Variants in AGBL1 observed in about 807,000 individuals in gnomAD.
AGBL1 encodes the protein AGBL carboxypeptidase 1.
In AGBL1, 130 loss-of-function variants were observed where a neutral mutation model predicts 118.9. The ratio of observed to expected loss-of-function variants is 1.09; its 90% CI spans 0.95 to 1.26. AGBL1 has a LOEUF of 1.26. Ranked by LOEUF, AGBL1 falls within the 50% of genes most tolerant of loss-of-function variation. The probability of loss-of-function intolerance (pLI) is 0.00; values close to 1 mark genes in which losing one functional copy is unlikely to be tolerated. For missense variants in AGBL1, 1,584 were observed against 1,298.1 expected, an observed-to-expected ratio of 1.22 and a Z score of -3.38; for synonymous variants, 555 against 478.9, an observed-to-expected ratio of 1.16 and a Z score of -2.08.
intron 22 of AGBL1, among the ~76,000 whole-genome samples, chr15:86,831,628 G>A (rs1467306641): frequency 6.6e-6 from 1 of 152,212 alleles, no homozygotes; most frequent in Non-Finnish European, 1.5e-5. Context: ...GGTTCCCATG[G>A]TCTTGGGCAG....
At chr15:86,556,054 A>G (rs980594222) in intron 21 of AGBL1, among the ~76,000 whole-genome samples, 4 of 152,224 alleles carry the variant, frequency 2.6e-5, no homozygotes, top group Non-Finnish European at 5.9e-5. Flanking sequence ...TTAGCTTGTG[A>G]CTGTCATTGA....
At chr15:86,816,165 C>T (rs2078855167) in intron 22 of AGBL1, among the ~76,000 whole-genome samples, 1 of 152,178 alleles carries the variant, frequency 6.6e-6, no homozygotes, top group South Asian at 2.1e-4. Context: ...AGCCTGAGAA[C>T]TTGGGAACAC....
intron 3 of AGBL1, among the ~76,000 whole-genome samples, chr15:86,146,139 C>G (rs1751951404): frequency 6.6e-6 from 1 of 152,144 alleles, no homozygotes; most frequent in Non-Finnish European, 1.5e-5. Flanking sequence ...GCTTTGTGCC[C>G]TTATGTATAA....
intron 5 of AGBL1, among the ~76,000 whole-genome samples, chr15:86,163,017 T>C (rs780847973): frequency 1.3e-5 from 2 of 152,268 alleles, no homozygotes; most frequent in Non-Finnish European, 2.9e-5. Flanking sequence ...CTCTGTACTA[T>C]ATTGGCCTGG....
At chr15:86,230,851 G>A (rs1333798388) in intron 6 of AGBL1, among the ~76,000 whole-genome samples, 2 of 152,182 alleles carry the variant, frequency 1.3e-5, no homozygotes, top group African/African-American at 4.8e-5. Context: ...AGAGCTCAGA[G>A]TCACGTCTGC....
intron 18 of AGBL1, among the ~76,000 whole-genome samples, chr15:86,509,243 C>A (rs148831806): frequency 6.6e-6 from 1 of 151,978 alleles, no homozygotes; most frequent in Non-Finnish European, 1.5e-5. Flanking sequence ...AGGGGCGAGG[C>A]TTGATAAGTT....
intron 21 of AGBL1, among the ~76,000 whole-genome samples, chr15:86,575,543 C>G (rs1421627168): frequency 6.6e-6 from 1 of 151,918 alleles, no homozygotes; most frequent in Non-Finnish European, 1.5e-5. Context: ...AAAATAAAAG[C>G]TAAAGCACAA....
At chr15:86,737,732 A>G (rs1273932266) in intron 22 of AGBL1, among the ~76,000 whole-genome samples, 2 of 152,182 alleles carry the variant, frequency 1.3e-5, no homozygotes, top group African/African-American at 2.4e-5. Flanking sequence ...AATATTCCAT[A>G]AGGGAAAATG....
rs141249708 is a variant in AGBL1 at position 86,632,103 on chromosome 15, A to AT, written c.2995-42159dup. 9.2e-3 allele frequency among the ~76,000 whole-genome samples: 1,355 copies of AT among 146,842 alleles called. 23 individuals are homozygous for AT. Among genetic ancestry groups the AT allele is most frequent in the African/African-American group, 0.031 (1,243 of 40,072 alleles). The stretch of plus-strand genomic sequence containing the variant: ...AGCCTAGGGAGACCCTGTCTCCACA[A>AT]TTTTTTTTTTTAAAGTTAACCAGGT... On this transcript the variant is annotated intron_variant, in intron 21 of 22. Coordinates refer to ENST00000614907, the MANE Select transcript of AGBL1 (RefSeq NM_001386094.1).
chr15:86,272,943 A>C (rs1232573329), intron 15 of AGBL1, among the ~76,000 whole-genome samples: 3 of 152,242 alleles, frequency 2.0e-5, no homozygotes, highest in Admixed American at 6.5e-5. Context: ...TTTAGATTAA[A>C]AATCACCTCA....
At chr15:86,512,127 C>T (rs763607955) in intron 18 of AGBL1, among the ~76,000 whole-genome samples, 10 of 151,890 alleles carry the variant, frequency 6.6e-5, no homozygotes, top group Non-Finnish European at 1.5e-4. Context: ...CAGAGGTACA[C>T]AAAACACTAT....
In AGBL1 at chr15:86,398,300, G is replaced by A. The variant is rs188605573; in HGVS notation, c.2555+754G>A. On this transcript the variant is annotated intron_variant, in intron 18 of 22. Transcript: ENST00000614907. ...CAGATGAGGCACCCAAAGTCACACA[G>A]GTGGTGCATGAGGGTGACAGGATTA... Among the ~76,000 whole-genome samples, 4 of 152,274 alleles carry A rather than the reference G, an allele frequency of 2.6e-5. No homozygotes were observed. The East Asian group carries it at 7.7e-4, about 29-fold the overall frequency.
chr15:86,080,939 G>A (rs1353589474), intron 1 of AGBL1, among the ~76,000 whole-genome samples: 4 of 140,798 alleles, frequency 2.8e-5, no homozygotes, highest in South Asian at 2.3e-4. Flanking sequence ...TTGTGGGGGC[G>A]GGGGGGGGTC....
intron 22 of AGBL1, among the ~76,000 whole-genome samples, chr15:86,712,503 T>C (rs1567135368): frequency 2.0e-5 from 3 of 152,278 alleles, no homozygotes; most frequent in South Asian, 4.1e-4. Flanking sequence ...GGCTAAGTGA[T>C]GCACTTGGGT....
At position 86,867,964 on chromosome 15, in the gene AGBL1, C is replaced by A. The variant is rs1267407212; in HGVS notation, c.3159-39123C>A. On this transcript the variant is annotated intron_variant, in intron 22 of 22. Transcript: ENST00000614907. ...TAGCAATCGTTACAGAGAGGTGAGC[C>A]CTTATTTTGGTGTTTCATAAATGCC... Among the ~76,000 whole-genome samples the A allele has an allele frequency of 2.6e-5, 4 of 151,978 alleles. No homozygotes were observed. In the East Asian group the frequency reaches 7.7e-4, roughly 29 times the overall value.
At chr15:86,158,592 A>G (rs1198044835) in intron 4 of AGBL1, among the ~76,000 whole-genome samples, 3 of 152,210 alleles carry the variant, frequency 2.0e-5, no homozygotes, top group African/African-American at 4.8e-5. Flanking sequence ...ACCTAACCAG[A>G]TACCTCTTTG....
Position 86,632,708 on chromosome 15 carries a change from T to G in AGBL1, c.2995-41565T>G, listed in dbSNP as rs187656397. ...TAACCCATGTAATTTTTAGGTGGTG[T>G]TGCCTATAAGTAAGGGCTTCTGAGC... On this transcript the variant is annotated intron_variant, in intron 21 of 22. Transcript: ENST00000614907. Among the ~76,000 whole-genome samples, 811 of 152,170 alleles carry G rather than the reference T, an allele frequency of 5.3e-3. 8 individuals carry two copies. The highest frequency in any genetic ancestry group is 0.021 in the South Asian group (99 of 4,822).
chr15:86,539,088 C>G (rs201377210), intron 19 of AGBL1, among the ~76,000 whole-genome samples: 3 of 99,020 alleles, frequency 3.0e-5, no homozygotes, highest in African/African-American at 1.4e-4. Flanking sequence ...ATAATCCAAT[C>G]CATACCTTCC....
chr15:86,445,199 G>T (rs1406907639), intron 18 of AGBL1, among the ~76,000 whole-genome samples: 7 of 152,248 alleles, frequency 4.6e-5, no homozygotes, highest in African/African-American at 1.4e-4. Context: ...CCCTGGGGGA[G>T]AGCAGCCCAC....
Sources: allele counts gnomAD v4.1 joint callset (sites outside exome capture counted in the v4.1 genomes callset), GRCh38; gene constraint gnomAD v4.1.1; transcripts MANE v1.5; gene names NCBI Gene and HGNC (gene_info 2026-07-23, HGNC 2026-07-21).